FGF12: variants seen among roughly 807,000 people sequenced by gnomAD.
FGF12 encodes fibroblast growth factor 12.
Under a neutral mutation model 23.6 loss-of-function variants are expected in FGF12, and 14 were observed. The observed-to-expected ratio is 0.59, with a 90% CI of 0.39 to 0.93. The LOEUF (loss-of-function observed/expected upper bound fraction) is 0.93, where lower values mean the gene tolerates loss of function less well. Among genes scored for constraint, FGF12 ranks in the 40% least tolerant of loss-of-function variants. The pLI, the probability that FGF12 is intolerant of heterozygous loss-of-function variation, is 0.00. For synonymous variants in FGF12, 62 were observed against 77.3 expected (o/e 0.80, Z 1.04); for missense variants, 175 against 217.8 (o/e 0.80, Z 1.24).
At chr3:192,375,839 G>A (rs1389544165) in intron 2 of FGF12, among the ~76,000 whole-genome samples, 1 of 151,222 alleles carries the variant, frequency 6.6e-6, no homozygotes, top group Non-Finnish European at 1.5e-5. Context: ...TCAGCATTCT[G>A]GAAAAAAATT....
chr3:192,552,129 C>T (rs1711551072), intron 2 of FGF12, among the ~76,000 whole-genome samples: 1 of 151,946 alleles, frequency 6.6e-6, no homozygotes, highest in African/African-American at 2.4e-5. Context: ...AATACTTTCC[C>T]TGAATAAATT....
At chr3:192,624,789 A>C (rs1274499150) in intron 2 of FGF12, among the ~76,000 whole-genome samples, 1 of 152,150 alleles carries the variant, frequency 6.6e-6, no homozygotes, top group African/African-American at 2.4e-5. Context: ...ATAATCACAT[A>C]GTTTAAAAAC....
intron 2 of FGF12, among the ~76,000 whole-genome samples, chr3:192,394,536 T>A (rs1720438165): frequency 6.6e-6 from 1 of 152,036 alleles, no homozygotes; most frequent in Non-Finnish European, 1.5e-5. Flanking sequence ...TAAATATACA[T>A]CAAGAATAAT....
At chr3:192,708,102 G>T (rs1718538322) in intron 2 of FGF12, among the ~76,000 whole-genome samples, 1 of 152,106 alleles carries the variant, frequency 6.6e-6, no homozygotes, top group Non-Finnish European at 1.5e-5. Flanking sequence ...TGGGACTACA[G>T]GCGCCTGCCA....
intron 2 of FGF12, among the ~76,000 whole-genome samples, chr3:192,501,828 G>A (rs1191445710): frequency 6.6e-6 from 1 of 152,202 alleles, no homozygotes; most frequent in East Asian, 1.9e-4. Context: ...TTGCTCACAT[G>A]TTATCTCCCT....
chr3:192,421,111 T>G (rs1721514077), intron 2 of FGF12, among the ~76,000 whole-genome samples: 2 of 152,156 alleles, frequency 1.3e-5, no homozygotes, highest in African/African-American at 4.8e-5. Flanking sequence ...ATTTCCTGCT[T>G]GACAATGTTT....
intron 4 of FGF12, among the ~76,000 whole-genome samples, chr3:192,317,742 T>C (rs2108678999): frequency 6.6e-6 from 1 of 152,268 alleles, no homozygotes; most frequent in East Asian, 1.9e-4. Context: ...ACATAGGTAG[T>C]AACCAGACAG....
intron 2 of FGF12, among the ~76,000 whole-genome samples, chr3:192,499,799 C>T (rs1724078666): frequency 6.6e-6 from 1 of 151,738 alleles, no homozygotes; most frequent in African/African-American, 2.4e-5. Context: ...CCGCCCGCCT[C>T]AGCCTCCCAA....
chr3:192,255,950 G>T (rs1457724522), intron 4 of FGF12, among the ~76,000 whole-genome samples: 2 of 152,034 alleles, frequency 1.3e-5, no homozygotes, highest in Non-Finnish European at 2.9e-5. Flanking sequence ...TCCCATTAAT[G>T]AAATTTATAG....
intron 2 of FGF12, among the ~76,000 whole-genome samples, chr3:192,386,095 T>C (rs1720028484): frequency 6.6e-6 from 1 of 152,222 alleles, no homozygotes; most frequent in Non-Finnish European, 1.5e-5. Flanking sequence ...ATGGGGTGAA[T>C]AAACGAGGAA....
intron 2 of FGF12, among the ~76,000 whole-genome samples, chr3:192,706,073 C>T (rs7638510): frequency 0.041 from 6,172 of 152,242 alleles, 445 homozygotes; most frequent in African/African-American, 0.14. Flanking sequence ...TAAATACACA[C>T]ATTCCTTCCA....
chr3:192,605,327 G>A (rs568416726), intron 2 of FGF12, among the ~76,000 whole-genome samples: 1 of 150,810 alleles, frequency 6.6e-6, no homozygotes, highest in South Asian at 2.1e-4. Context: ...GTTGCAGTGA[G>A]CCAAGGTCGC....
At chr3:192,326,379 TC>T (rs981991461) in intron 4 of FGF12, among the ~76,000 whole-genome samples, 1 of 152,108 alleles carries the variant, frequency 6.6e-6, no homozygotes, top group African/African-American at 2.4e-5. Context: ...ACAACCACTT[TC>T]TCCCATCATC....
intron 2 of FGF12, among the ~76,000 whole-genome samples, chr3:192,546,117 A>T (rs906534748): frequency 1.3e-4 from 20 of 152,228 alleles, no homozygotes; most frequent in Non-Finnish European, 2.9e-4. Flanking sequence ...GAGTCTGGAC[A>T]ACTTTGATTC....
At chr3:192,558,005 G>A (rs753834060) in intron 2 of FGF12, among the ~76,000 whole-genome samples, 1 of 151,774 alleles carries the variant, frequency 6.6e-6, no homozygotes, top group Non-Finnish European at 1.5e-5. Flanking sequence ...TCTGAGATCT[G>A]TAAGAAGGCA....
intron 2 of FGF12, among the ~76,000 whole-genome samples, chr3:192,559,374 T>C (rs1353352179): frequency 1.3e-5 from 2 of 151,824 alleles, no homozygotes; most frequent in East Asian, 1.9e-4. Flanking sequence ...AATGTTACTA[T>C]GGGAATAGTA....
intron 2 of FGF12, among the ~76,000 whole-genome samples, chr3:192,562,423 A>AT (rs1712081583): frequency 1.3e-5 from 2 of 152,194 alleles, no homozygotes; most frequent in South Asian, 4.1e-4. Flanking sequence ...GAATGCATGT[A>AT]TTTTTACTTC....
intron 2 of FGF12, among the ~76,000 whole-genome samples, chr3:192,416,060 A>G (rs1490679561): frequency 2.6e-5 from 4 of 152,178 alleles, no homozygotes; most frequent in East Asian, 1.9e-4. Flanking sequence ...GACACTCAAA[A>G]TATACTATTA....
chr3:192,342,483 C>G (rs945438916), intron 3 of FGF12, among the ~76,000 whole-genome samples: 5 of 152,000 alleles, frequency 3.3e-5, no homozygotes, highest in Non-Finnish European at 7.4e-5. Flanking sequence ...TATTAAACAT[C>G]TTGTCAGCAA....
Sources: gnomAD v4.1 joint callset for allele counts (sites outside exome capture counted in the v4.1 genomes callset) on GRCh38, gnomAD v4.1.1 for gene constraint, MANE v1.5 for transcripts, NCBI Gene and HGNC (gene_info 2026-07-23, HGNC 2026-07-21) for gene names.